The following NIPAL4 variants were observed in gnomAD, a reference collection of about 807,000 sequenced individuals.
The protein encoded by NIPAL4 is NIPA like domain containing 4.
Under a neutral mutation model 31.6 loss-of-function variants are expected in NIPAL4, and 21 were observed. The observed-to-expected ratio is 0.67, with a 90% CI of 0.47 to 0.96. The LOEUF (loss-of-function observed/expected upper bound fraction) is 0.96. NIPAL4 is among the 40% of genes least tolerant of loss of function. The probability of loss-of-function intolerance (pLI) is 0.00; values close to 1 mark genes in which losing one functional copy is unlikely to be tolerated. For synonymous variants in NIPAL4, 175 were observed against 211.1 expected, an observed-to-expected ratio of 0.83 and a Z score of 1.48; for missense variants, 438 against 508.0, an observed-to-expected ratio of 0.86 and a Z score of 1.32.
rs149763220 is a variant in NIPAL4 at position 157,468,771 on chromosome 5, A to G, written c.384A>G (p.Ala128=). 12 of 1,611,876 alleles carry G rather than the reference A, an allele frequency of 7.4e-6. No individual in the cohort carries two copies. The East Asian group carries it at 2.7e-4, about 36-fold the overall frequency. The change falls in exon 4 of 6, where the codon GCA becomes GCG. Residue 128 remains alanine, a synonymous_variant. Transcript: ENST00000311946. ...TTGGAGCCTACGCATTTGCACCTGC[A>G]ACAGTCGTCACGCCTCTGGGAGCGC... ...ANFGAYAFAP[A]TVVTPLGALS...
intron 1 of NIPAL4, among the ~76,000 whole-genome samples, chr5:157,460,743 T>C (rs1478685828): frequency 6.6e-6 from 1 of 151,964 alleles, no homozygotes; most frequent in Non-Finnish European, 1.5e-5. Flanking sequence ...TCTGGGTCAA[T>C]GGGAGGACCA....
At chr5:157,471,940 TA>T (rs1754452465) in intron 5 of NIPAL4, 123 bp downstream of exon 5, 1 of 734,566 alleles carries the variant, frequency 1.4e-6, no homozygotes, top group Admixed American at 2.3e-5. Flanking sequence ...GAAGGCAAGC[TA>T]AAGAAGAAAT....
chr5:157,464,686 A>G (rs781418138), intron 2 of NIPAL4, among the ~76,000 whole-genome samples: 2 of 152,140 alleles, frequency 1.3e-5, no homozygotes, highest in Non-Finnish European at 2.9e-5. Flanking sequence ...TGAAAGTGCT[A>G]TTTCTTGAGA....
rs184642782 is a variant in NIPAL4, at chr5:157,460,500, G to A, written c.37+143G>A. ...GCCAGCACGAGGTGGCTCCCACCCAGCTTTGAAGATCTGGGTTCTGGCTGA... is the reference window on the plus strand; with the variant it reads ...GCCAGCACGAGGTGGCTCCCACCCAACTTTGAAGATCTGGGTTCTGGCTGA... On this transcript the variant is annotated intron_variant, in intron 1 of 5. Transcript: ENST00000311946. The A allele has an allele frequency of 8.0e-4, 651 of 818,094 alleles. 8 individuals carry two copies. In the Middle Eastern group the frequency reaches 0.013, roughly 17 times the overall value. The allele number at this position is 818,094 out of a possible 1,614,324, so 50.7% of individuals were successfully genotyped here.
At chr5:157,461,966 C>T (rs1366473300) in intron 1 of NIPAL4, among the ~76,000 whole-genome samples, 1 of 152,232 alleles carries the variant, frequency 6.6e-6, no homozygotes, top group Non-Finnish European at 1.5e-5. Flanking sequence ...TGTGCCAGAG[C>T]CAGAGTTGCT....
chr5:157,465,753 AG>A (rs1219620089), intron 2 of NIPAL4, among the ~76,000 whole-genome samples: 3 of 152,220 alleles, frequency 2.0e-5, no homozygotes, highest in African/African-American at 7.2e-5. Flanking sequence ...GCACTTTGGG[AG>A]GCTGAGGTGT....
chr5:157,460,262 C>T lies in NIPAL4; in HGVS notation c.-59C>T, dbSNP rs199584122. 1,399 of 1,541,336 alleles carry T rather than the reference C, an allele frequency of 9.1e-4. 16 individuals carry two copies. Among genetic ancestry groups the T allele is most frequent in the Non-Finnish European group, 1.1e-4 (124 of 1,143,278 alleles). On this transcript the variant is annotated 5_prime_UTR_variant, in exon 1 of 6. Transcript: ENST00000311946. ...GGGGACAAGTCGCGGCCACCTGCTC[C>T]GGAGCTGGGGAGCCCGGGCGCCGTC...
At chr5:157,470,276 C>T (rs1206221657) in intron 4 of NIPAL4, among the ~76,000 whole-genome samples, 1 of 152,050 alleles carries the variant, frequency 6.6e-6, no homozygotes, top group Non-Finnish European at 1.5e-5. Flanking sequence ...GCTGGCTCGC[C>T]TCGAGGATAT....
At chr5:157,467,146 TAGCA>T in intron 3 of NIPAL4, 41 bp downstream of exon 3, 1 of 1,397,644 alleles carries the variant, frequency 7.2e-7, no homozygotes, top group Non-Finnish European at 1.0e-6. Context: ...GGCCTATTGA[TAGCA>T]GGGCTGGAGA....
chr5:157,471,878 C>A (rs79435800), intron 5 of NIPAL4, 61 bp downstream of exon 5: 1 of 1,344,400 alleles, frequency 7.4e-7, no homozygotes, highest in Non-Finnish European at 1.0e-6. Context: ...CCTACTACCC[C>A]ACAAAAGGTC....
intron 4 of NIPAL4, among the ~76,000 whole-genome samples, chr5:157,469,966 T>C (rs1288413696): frequency 3.3e-5 from 5 of 152,232 alleles, no homozygotes; most frequent in Non-Finnish European, 7.3e-5. Flanking sequence ...GGGAGAGCCA[T>C]AAAATCCTCC....
At chr5:157,460,801 G>C (rs1754080737) in intron 1 of NIPAL4, among the ~76,000 whole-genome samples, 3 of 152,070 alleles carry the variant, frequency 2.0e-5, no homozygotes. Context: ...CACAGGAAGG[G>C]GTAAAGAAAG....
intron 1 of NIPAL4, among the ~76,000 whole-genome samples, chr5:157,461,651 G>A (rs1349036125): frequency 6.6e-6 from 1 of 152,244 alleles, no homozygotes; most frequent in African/African-American, 2.4e-5. Context: ...TCTGATTAGG[G>A]ACTGAGATGC....
At position 157,463,247 on chromosome 5, in the gene NIPAL4, T is replaced by C. The variant is rs1581265665; in HGVS notation, c.191T>C (p.Phe64Ser). The C allele has an allele frequency of 1.9e-6, 3 of 1,614,036 alleles. No individual in the cohort carries two copies. The highest frequency in any genetic ancestry group is 2.7e-5 in the African/African-American group (2 of 75,050). ...TTCTACATCGGCCTGGGCCTGGCAT[T>C]CCTGTCTAGCTTCCTCATCGGCAGC... ...YGFYIGLGLA[F>S]LSSFLIGSSV... The change falls in exon 2 of 6, where the codon TTC becomes TCC. Residue 64 changes from phenylalanine (F) to serine (S), a missense_variant. Transcript: ENST00000311946.
intron 2 of NIPAL4, among the ~76,000 whole-genome samples, chr5:157,465,131 T>C (rs572157240): frequency 6.6e-6 from 1 of 152,254 alleles, no homozygotes; most frequent in East Asian, 1.9e-4. Context: ...GCAAAATGAA[T>C]AGCTGTGAGG....
In NIPAL4 at chr5:157,472,617, C is replaced by G; in HGVS notation, c.872C>G (p.Thr291Ser). The G allele has an allele frequency of 6.2e-7, 1 of 1,613,990 alleles. No homozygotes were observed. Among genetic ancestry groups the G allele is most frequent in the Non-Finnish European group, 8.5e-7 (1 of 1,179,898 alleles). ...AACAGAGCACTGGACATTTTCAACACTTCCCTGGTGTTCCCCATCTACTAC... is the reference window on the plus strand; with the variant it reads ...AACAGAGCACTGGACATTTTCAACAGTTCCCTGGTGTTCCCCATCTACTAC... ...FLNRALDIFN[T>S]SLVFPIYYVF... The change falls in exon 6 of 6, where the codon ACT (threonine) becomes AGT (serine). Residue 291 changes from threonine to serine, a missense_variant. Thr to Ser is a moderately conservative substitution (Grantham distance 58). Transcript: ENST00000311946.
rs746660063 is a variant in NIPAL4, at chr5:157,468,795, G to A, written c.408G>A (p.Ala136=). Residue 136 remains alanine, a synonymous_variant, in exon 4 of 6, where the codon GCG becomes GCA. Transcript: ENST00000311946. ...APATVVTPLG[A]LSVLISAILS... is the part of the protein sequence containing the mutation. ...CAACAGTCGTCACGCCTCTGGGAGC[G>A]CTGAGTGTCCTCATAAGGTTATTGT... 52 of 1,604,888 alleles carry A rather than the reference G, an allele frequency of 3.2e-5. No homozygotes were observed. The highest frequency in any genetic ancestry group is 4.5e-5 in the East Asian group (2 of 44,494).
intron 5 of NIPAL4, 62 bp downstream of exon 5, chr5:157,471,879 AC>A (rs963224042): frequency 1.5e-6 from 2 of 1,344,262 alleles, no homozygotes; most frequent in Middle Eastern, 1.8e-4. Flanking sequence ...CTACTACCCC[AC>A]AAAAGGTCAG....
At position 157,466,528 on chromosome 5, in the gene NIPAL4, C is replaced by T. The variant is rs556659322; in HGVS notation, c.278-521C>T. The stretch of plus-strand genomic sequence containing the variant: ...GAGTAACTATGAAGGAGGCTGTTGC[C>T]TCAACCTGAAGCAGGGATAACAGTG... On this transcript the variant is annotated intron_variant, in intron 2 of 5. Transcript: ENST00000311946. Among the ~76,000 whole-genome samples, 4 of 152,306 alleles carry T rather than the reference C, an allele frequency of 2.6e-5. No individual in the cohort carries two copies. In the East Asian group the frequency reaches 5.8e-4, roughly 22 times the overall value.
Sources: gnomAD v4.1 joint callset for allele counts (sites outside exome capture counted in the v4.1 genomes callset) on GRCh38, gnomAD v4.1.1 for gene constraint, MANE v1.5 for transcripts, NCBI Gene and HGNC (gene_info 2026-07-23, HGNC 2026-07-21) for gene names.